Variants in ZNF804B observed in about 807,000 individuals in gnomAD.
ZNF804B encodes the protein zinc finger protein 804B.
In ZNF804B, 80 loss-of-function variants were observed where a neutral mutation model predicts 101.4. The ratio of observed to expected loss-of-function variants is 0.79; its 90% CI spans 0.66 to 0.95. ZNF804B has a LOEUF of 0.95. ZNF804B is among the 40% of genes least tolerant of loss of function. The pLI, the probability that ZNF804B is intolerant of heterozygous loss-of-function variation, is 0.00. For synonymous variants in ZNF804B, 622 were observed against 558.8 expected, an observed-to-expected ratio of 1.11 and a Z score of -1.59; for missense variants, 1,673 against 1,561.9, an observed-to-expected ratio of 1.07 and a Z score of -1.20.
chr7:89,198,508 G>C (rs1788587149), intron 1 of ZNF804B, among the ~76,000 whole-genome samples: 1 of 151,814 alleles, frequency 6.6e-6, no homozygotes, highest in Non-Finnish European at 1.5e-5. Flanking sequence ...CTATAAGCTA[G>C]TGTGTTTTAT....
intron 1 of ZNF804B, chr7:88,795,018 T>C: frequency 8.0e-7 from 1 of 1,256,836 alleles, no homozygotes; most frequent in Non-Finnish European, 1.1e-6. Flanking sequence ...GGGTACCTCT[T>C]TACTGATGAA....
chr7:89,248,623 A>C (rs1367741734), intron 2 of ZNF804B, among the ~76,000 whole-genome samples: 2 of 152,170 alleles, frequency 1.3e-5, no homozygotes, highest in Non-Finnish European at 2.9e-5. Flanking sequence ...TATTCTTACA[A>C]GTAATACATA....
At chr7:88,996,466 A>G (rs941823900) in intron 1 of ZNF804B, among the ~76,000 whole-genome samples, 3 of 152,082 alleles carry the variant, frequency 2.0e-5, no homozygotes, top group Non-Finnish European at 4.4e-5. Context: ...TCCCTCTGAC[A>G]CATCTTAATG....
intron 1 of ZNF804B, among the ~76,000 whole-genome samples, chr7:88,829,261 TA>T (rs113898558): frequency 2.6e-5 from 4 of 152,036 alleles, no homozygotes; most frequent in Admixed American, 6.6e-5. Flanking sequence ...TGAACATTTT[TA>T]ATTTTTTTAA....
At chr7:88,776,211 T>C (rs1446535123) in intron 1 of ZNF804B, among the ~76,000 whole-genome samples, 1 of 152,224 alleles carries the variant, frequency 6.6e-6, no homozygotes, top group East Asian at 1.9e-4. Context: ...GATGATTACT[T>C]TGATCACAGT....
At chr7:89,332,383 G>T (rs1790999413) in intron 3 of ZNF804B, among the ~76,000 whole-genome samples, 1 of 151,718 alleles carries the variant, frequency 6.6e-6, no homozygotes, top group African/African-American at 2.4e-5. Context: ...AGCAACAAAT[G>T]ACTAGAGGAA....
intron 1 of ZNF804B, among the ~76,000 whole-genome samples, chr7:89,133,495 G>C (rs923446418): frequency 6.6e-6 from 1 of 151,978 alleles, no homozygotes; most frequent in African/African-American, 2.4e-5. Context: ...TGCTGGCTGG[G>C]TGCATCTACC....
At chr7:88,845,301 G>GCACACA (rs372272018) in intron 1 of ZNF804B, among the ~76,000 whole-genome samples, 1,725 of 150,016 alleles carry the variant, frequency 0.011, 29 homozygotes, top group Admixed American at 0.044. Context: ...GCACGCGCGC[G>GCACACA]CACACACACA....
At position 89,333,904 on chromosome 7, in the gene ZNF804B, G is replaced by T; in HGVS notation, c.922G>T (p.Asp308Tyr). 1.9e-6 allele frequency: 3 copies of T among 1,613,368 alleles called. No individual in the cohort carries two copies. The highest frequency in any genetic ancestry group is 1.7e-4 in the Middle Eastern group (1 of 6,056). Residue 308 changes from aspartate to tyrosine, a missense_variant, in exon 4 of 4, where the codon GAC becomes TAC. By Grantham distance (160) the Asp-to-Tyr change is radical. Coordinates refer to ENST00000333190, the MANE Select transcript of ZNF804B (RefSeq NM_181646.5). The part of the protein sequence containing the change: ...INSKILQDKH[D>Y]SIDETLEDSI... The stretch of plus-strand genomic sequence containing the variant: ...CTCTAAAATTTTGCAAGACAAACAC[G>T]ACTCTATTGATGAGACACTAGAAGA...
chr7:88,904,166 A>C (rs796932744), intron 1 of ZNF804B, among the ~76,000 whole-genome samples: 1 of 152,190 alleles, frequency 6.6e-6, no homozygotes, highest in African/African-American at 2.4e-5. Flanking sequence ...ATTCTTCTGC[A>C]TTTGGCTAGT....
intron 1 of ZNF804B, among the ~76,000 whole-genome samples, chr7:89,177,193 A>G (rs994023163): frequency 6.6e-6 from 1 of 152,104 alleles, no homozygotes; most frequent in Non-Finnish European, 1.5e-5. Context: ...GTTATTTAAG[A>G]TGCATCATTA....
chr7:89,087,480 T>C (rs2116320888), intron 1 of ZNF804B, among the ~76,000 whole-genome samples: 1 of 152,072 alleles, frequency 6.6e-6, no homozygotes, highest in African/African-American at 2.4e-5. Context: ...AACACATAAA[T>C]ACAACATCAA....
At chr7:89,298,214 GTGTATATA>G (rs1355806110) in intron 2 of ZNF804B, among the ~76,000 whole-genome samples, 39 of 58,680 alleles carry the variant, frequency 6.6e-4, no homozygotes, top group South Asian at 2.8e-3. Context: ...GTGTGTGTGT[GTGTATATA>G]TATATATATA....
intron 1 of ZNF804B, among the ~76,000 whole-genome samples, chr7:88,903,858 G>A (rs750447949): frequency 6.6e-6 from 1 of 151,972 alleles, no homozygotes; most frequent in Non-Finnish European, 1.5e-5. Flanking sequence ...AGACCTTGTT[G>A]ATGCATAGTT....
rs1358469260 is a variant in ZNF804B, at chr7:89,335,367, A to G, written c.2385A>G (p.Lys795=). The change falls in exon 4 of 4, where the codon AAA becomes AAG. Residue 795 remains lysine, a synonymous_variant. Coordinates refer to ENST00000333190, the MANE Select transcript of ZNF804B (RefSeq NM_181646.5). ...CKLWESFKNE[K]YSKRRYCHCR... ...TGTGGGAATCATTTAAAAATGAAAA[A>G]TACTCAAAACGTAGATATTGTCACT... 6.2e-7 allele frequency: 1 copy of G among 1,613,624 alleles called. No homozygotes were observed. Among genetic ancestry groups the G allele is most frequent in the African/African-American group, 1.3e-5 (1 of 74,900 alleles).
rs527927557 is a variant in ZNF804B at position 89,165,470 on chromosome 7, A to C, written c.109-52685A>C. 1.7e-3 allele frequency among the ~76,000 whole-genome samples: 257 copies of C among 152,246 alleles called. 1 individual carries two copies. The highest frequency in any genetic ancestry group is 5.8e-3 in the African/African-American group (242 of 41,598). ...TTGCAAAGCAGAATGGGAGAAACCA[A>C]GAACAAATGAGAAAGCTTTTTTGGC... On this transcript the variant is annotated intron_variant, in intron 1 of 3. Coordinates refer to ENST00000333190, the MANE Select transcript of ZNF804B (RefSeq NM_181646.5).
At chr7:88,818,340 C>G (rs1051467254) in intron 1 of ZNF804B, among the ~76,000 whole-genome samples, 1 of 151,772 alleles carries the variant, frequency 6.6e-6, no homozygotes, top group Non-Finnish European at 1.5e-5. Context: ...AGGGATTATC[C>G]TAATTAAATA....
intron 1 of ZNF804B, among the ~76,000 whole-genome samples, chr7:89,021,539 CTGTT>C (rs1223658552): frequency 4.6e-5 from 7 of 152,168 alleles, no homozygotes; most frequent in Admixed American, 4.6e-4. Flanking sequence ...GCATGCCAAA[CTGTT>C]TGTCACACTC....
chr7:88,904,583 G>A (rs557803116), intron 1 of ZNF804B, among the ~76,000 whole-genome samples: 8 of 152,080 alleles, frequency 5.3e-5, no homozygotes, highest in Non-Finnish European at 8.8e-5. Flanking sequence ...CAATCCATGA[G>A]CATGGAATAT....
Sources: gnomAD v4.1 joint callset for allele counts (sites outside exome capture counted in the v4.1 genomes callset) on GRCh38, gnomAD v4.1.1 for gene constraint, MANE v1.5 for transcripts, NCBI Gene and HGNC (gene_info 2026-07-23, HGNC 2026-07-21) for gene names.